Variants in XRN1 observed in about 807,000 individuals in gnomAD.
XRN1 encodes the protein 5'-3' exoribonuclease 1, also known as strand-exchange protein 1 homolog.
Under a neutral mutation model 222.3 loss-of-function variants are expected in XRN1, and 67 were observed. That is an observed-to-expected ratio of 0.30 (90% CI 0.25 to 0.37). XRN1 has a LOEUF of 0.37. Among genes scored for constraint, XRN1 ranks in the 10% least tolerant of loss-of-function variants. XRN1 has a pLI of 1.00. For synonymous variants in XRN1, 643 were observed against 652.4 expected (o/e 0.99, Z 0.22); for missense variants, 1,707 against 2,000.2 (o/e 0.85, Z 2.80).
chr3:142,424,613 G>A (rs529555634), intron 5 of XRN1, among the ~76,000 whole-genome samples: 1 of 152,126 alleles, frequency 6.6e-6, no homozygotes, highest in African/African-American at 2.4e-5. Context: ...TGGCATTGTG[G>A]TTATATATTT....
intron 1 of XRN1, among the ~76,000 whole-genome samples, chr3:142,434,495 A>ATTTTTTTTTTACACTTTTTT (rs1559883061): frequency 9.1e-5 from 13 of 143,376 alleles, no homozygotes; most frequent in African/African-American, 3.4e-4. Context: ...ACTTGATCAA[A>ATTTTTTTTTTACACTTTTTT]TTTTTTTTTT....
Position 142,422,921 on chromosome 3 carries a change from C to A in XRN1, c.712G>T (p.Val238Leu), listed in dbSNP as rs146086047. The change falls in exon 7 of 41, where the codon GTA becomes TTA. Residue 238 changes from valine to leucine, a missense_variant and splice_region_variant. Val to Leu is a conservative substitution (Grantham distance 32). Coordinates refer to ENST00000392981, the MANE Select transcript of XRN1 (RefSeq NM_001282857.2). ...VRFGGKKTQR[V>L]CAPEETTFHL... ...AATGTAGTTTCTTCTGGAGCACATA[C>A]CCTGGAATTAGTCAGATGATCAAGA... 1.6e-4 allele frequency: 256 copies of A among 1,608,430 alleles called. 1 individual carries two copies. In the African/African-American group the frequency reaches 3.0e-3, roughly 19 times the overall value.
Position 142,365,314 on chromosome 3 carries a change from T to C in XRN1, c.3257A>G (p.Tyr1086Cys). 1.3e-6 allele frequency: 2 copies of C among 1,591,358 alleles called. No homozygotes were observed. Among genetic ancestry groups the C allele is most frequent in the Non-Finnish European group, 1.7e-6 (2 of 1,169,220 alleles). The change falls in exon 28 of 41, where the codon TAC (tyrosine) becomes TGC (cysteine). Residue 1086 changes from tyrosine to cysteine, a missense_variant. This residue lies in a region of XRN1 where 1,234 missense variants were observed against 1,518.2 expected (regional missense o/e 0.81). Coordinates refer to ENST00000392981, the MANE Select transcript of XRN1 (RefSeq NM_001282857.2). Reference sequence around the variant, plus strand: ...ATTCTTTGATAGGAAACTTACTCTGTATAGCAAATGGGGTTTCACTGTTAC... The same window carrying C: ...ATTCTTTGATAGGAAACTTACTCTGCATAGCAAATGGGGTTTCACTGTTAC... Reference protein sequence around the residue: ...VRVTVKPHLLYRPLEQQHGVI... With the variant: ...VRVTVKPHLLCRPLEQQHGVI...
intron 1 of XRN1, among the ~76,000 whole-genome samples, chr3:142,441,065 T>G (rs537264452): frequency 9.2e-5 from 14 of 152,338 alleles, no homozygotes; most frequent in African/African-American, 3.4e-4. Flanking sequence ...CCTCGCCACC[T>G]GTGGCTACAA....
intron 25 of XRN1, among the ~76,000 whole-genome samples, chr3:142,373,770 T>C (rs184433823): frequency 1.4e-4 from 21 of 152,098 alleles, no homozygotes; most frequent in African/African-American, 5.1e-4. Context: ...GGCAGATCAC[T>C]TGAGGTCAGG....
chr3:142,368,350 T>C (rs2066883269), intron 27 of XRN1, among the ~76,000 whole-genome samples: 1 of 152,154 alleles, frequency 6.6e-6, no homozygotes, highest in African/African-American at 2.4e-5. Flanking sequence ...GGTTTCACCA[T>C]GTTGGCCAGG....
intron 12 of XRN1, chr3:142,417,946 A>G (rs1320466389): frequency 6.6e-6 from 1 of 152,380 alleles, no homozygotes; most frequent in Non-Finnish European, 1.5e-5. Flanking sequence ...CATTTTTATC[A>G]TCTTATAGCC....
intron 25 of XRN1, among the ~76,000 whole-genome samples, chr3:142,374,124 G>T (rs2067068513): frequency 6.6e-6 from 1 of 152,216 alleles, no homozygotes; most frequent in African/African-American, 2.4e-5. Flanking sequence ...GGAAGCTACT[G>T]GAGTAAGTGC....
chr3:142,421,635 A>G, intron 8 of XRN1, 92 bp from the exon 9 acceptor site: 1 of 950,828 alleles, frequency 1.1e-6, no homozygotes, highest in Non-Finnish European at 1.6e-6. Flanking sequence ...TTGAATGTTC[A>G]TGTTCTACAG....
At position 142,447,994 on chromosome 3, in the gene XRN1, C is replaced by T. The variant is rs2070606761; in HGVS notation, c.-50G>A. 2 of 1,591,672 alleles carry T rather than the reference C, an allele frequency of 1.3e-6. No individual in the cohort carries two copies. The highest frequency in any genetic ancestry group is 1.7e-6 in the Non-Finnish European group (2 of 1,163,308). ...TCAGGGCCAAACCGAAACCAAACGC[C>T]CCGCCGGGGCTCCGCCGCAGCCTCC... On this transcript the variant is annotated 5_prime_UTR_variant, in exon 1 of 41. Coordinates refer to ENST00000392981, the MANE Select transcript of XRN1 (RefSeq NM_001282857.2). This position sits in a 1 kb window ranked among gnomAD's most constrained non-coding sequence, Gnocchi z 4.2.
chr3:142,338,222 C>A (rs1377434686), intron 33 of XRN1, among the ~76,000 whole-genome samples: 1 of 152,194 alleles, frequency 6.6e-6, no homozygotes, highest in African/African-American at 2.4e-5. Flanking sequence ...TCCCTCTCTT[C>A]CACTTGACGA....
intron 29 of XRN1, among the ~76,000 whole-genome samples, chr3:142,360,706 T>TAA (rs1386877062): frequency 6.8e-6 from 1 of 146,330 alleles, no homozygotes; most frequent in African/African-American, 2.7e-5. Flanking sequence ...CTACTAAAAA[T>TAA]AAAAAATAAA....
chr3:142,376,942 C>A (rs1056575880), intron 23 of XRN1, among the ~76,000 whole-genome samples: 1 of 152,058 alleles, frequency 6.6e-6, no homozygotes, highest in Non-Finnish European at 1.5e-5. Flanking sequence ...TTCGTTTCTA[C>A]TAATTTTCAT....
intron 20 of XRN1, among the ~76,000 whole-genome samples, chr3:142,396,914 T>C (rs773926476): frequency 2.6e-5 from 4 of 152,022 alleles, no homozygotes; most frequent in African/African-American, 7.2e-5. Flanking sequence ...CTGGGGAATA[T>C]GGCTTGGGTG....
rs1465062122 is a variant in XRN1 at position 142,311,407 on chromosome 3, T to A, written c.*104A>T. 5 of 1,117,804 alleles carry A rather than the reference T, an allele frequency of 4.5e-6. No homozygotes were observed. Among genetic ancestry groups the A allele is most frequent in the Non-Finnish European group, 4.9e-6 (4 of 818,804 alleles). The allele number at this position is 1,117,804 out of a possible 1,614,324, so 69.2% of individuals were successfully genotyped here. A position where few individuals can be genotyped will look rare whatever the true frequency, so the allele number is the denominator to read the frequency against. On this transcript the variant is annotated 3_prime_UTR_variant, in exon 41 of 41. Coordinates refer to ENST00000392981, the MANE Select transcript of XRN1 (RefSeq NM_001282857.2). ...AATGAAAAAAATTTCAATTTACACA[T>A]ATTATTTTAAAATAGTACATTCTAA...
intron 25 of XRN1, among the ~76,000 whole-genome samples, chr3:142,373,503 G>A (rs906714447): frequency 3.9e-5 from 6 of 152,052 alleles, no homozygotes; most frequent in East Asian, 3.9e-4. Context: ...AGCTGAACAG[G>A]AGAAGGGAAG....
chr3:142,336,309 T>C (rs2065849892), intron 33 of XRN1, among the ~76,000 whole-genome samples: 1 of 152,172 alleles, frequency 6.6e-6, no homozygotes, highest in Non-Finnish European at 1.5e-5. Flanking sequence ...TCTATTATAT[T>C]GGATATACTG....
chr3:142,311,981 C>A (rs1437675902), intron 40 of XRN1, among the ~76,000 whole-genome samples, 168 bp from the exon 41 acceptor site: 1 of 152,086 alleles, frequency 6.6e-6, no homozygotes, highest in Non-Finnish European at 1.5e-5. Context: ...GACTTAGTTA[C>A]AAACAAAATA....
At chr3:142,313,063 AT>A (rs1248255541) in intron 39 of XRN1, 11 of 1,506,942 alleles carry the variant, frequency 7.3e-6, no homozygotes, top group South Asian at 1.2e-5. Context: ...TATAAAAAAA[AT>A]AAAAGGGTCA....
Sources: allele counts gnomAD v4.1 joint callset (sites outside exome capture counted in the v4.1 genomes callset), GRCh38; gene constraint gnomAD v4.1.1; regional missense constraint gnomAD v4.1.1; non-coding constraint Gnocchi (gnomAD v3.1); transcripts MANE v1.5; gene names NCBI Gene and HGNC (gene_info 2026-07-23, HGNC 2026-07-21).